The following DPP10 variants were observed in gnomAD, a reference collection of about 807,000 sequenced individuals.
DPP10 encodes inactive dipeptidyl peptidase 10.
Under a neutral mutation model 120.9 loss-of-function variants are expected in DPP10, and 33 were observed. That is an observed-to-expected ratio of 0.27 (90% CI 0.21 to 0.37). DPP10 has a LOEUF of 0.37. DPP10 is among the 10% of genes least tolerant of loss of function. The pLI is 1.00. For synonymous variants in DPP10, 337 were observed against 326.1 expected (o/e 1.03, Z -0.36); for missense variants, 816 against 942.8 (o/e 0.87, Z 1.76).
chr2:115,406,243 G>T (rs777433550), intron 3 of DPP10, among the ~76,000 whole-genome samples: 130 of 152,158 alleles, frequency 8.5e-4, no homozygotes, highest in Non-Finnish European at 1.6e-3. Flanking sequence ...CTTTACACCA[G>T]TTCCCAGTAA....
At chr2:115,707,421 T>TACACACACACAC (rs35961586) in intron 7 of DPP10, among the ~76,000 whole-genome samples, 2 of 138,804 alleles carry the variant, frequency 1.4e-5, no homozygotes, top group South Asian at 2.4e-4. Context: ...AAACAAATTT[T>TACACACACACAC]ACACACACAC....
At chr2:114,860,170 A>G (rs752602433) in intron 1 of DPP10, among the ~76,000 whole-genome samples, 2 of 152,194 alleles carry the variant, frequency 1.3e-5, no homozygotes, top group Middle Eastern at 3.2e-3. Context: ...CAAATTCCCT[A>G]GGTTTTCATT....
intron 1 of DPP10, among the ~76,000 whole-genome samples, chr2:115,019,282 AAAAG>A (rs753115043): frequency 3.0e-4 from 45 of 152,332 alleles, no homozygotes; most frequent in Middle Eastern, 6.8e-3. Flanking sequence ...TAAAATGGAA[AAAAG>A]AAAGGAACAT....
chr2:115,057,014 A>G (rs1186357296), intron 1 of DPP10, among the ~76,000 whole-genome samples: 1 of 152,240 alleles, frequency 6.6e-6, no homozygotes, highest in Non-Finnish European at 1.5e-5. Flanking sequence ...AATTAAGTCT[A>G]AAAGAGGAGA....
intron 1 of DPP10, among the ~76,000 whole-genome samples, chr2:114,515,394 C>A (rs926260882): frequency 6.6e-6 from 1 of 152,118 alleles, no homozygotes; most frequent in African/African-American, 2.4e-5. Flanking sequence ...TAAGTCCAGG[C>A]AAGAGGACCA....
chr2:115,319,420 G>A (rs1175233138), intron 2 of DPP10, among the ~76,000 whole-genome samples: 1 of 152,136 alleles, frequency 6.6e-6, no homozygotes, highest in Non-Finnish European at 1.5e-5. Flanking sequence ...GAATGAGATA[G>A]TAATCTTTTC....
intron 1 of DPP10, among the ~76,000 whole-genome samples, chr2:114,823,475 T>C (rs916910368): frequency 1.3e-5 from 2 of 152,158 alleles, no homozygotes; most frequent in African/African-American, 4.8e-5. Context: ...TTATTCCACA[T>C]TGAGCTTTCA....
At chr2:115,377,693 G>A (rs74856344) in intron 3 of DPP10, among the ~76,000 whole-genome samples, 69,967 of 151,790 alleles carry the variant, frequency 0.46, 17,202 homozygotes, top group Non-Finnish European at 0.56. Flanking sequence ...TAGGTTTATC[G>A]TTTAAGTCTT....
At chr2:114,479,569 C>T (rs775925172) in intron 1 of DPP10, among the ~76,000 whole-genome samples, 167 of 152,184 alleles carry the variant, frequency 1.1e-3, no homozygotes, top group Middle Eastern at 0.01. Context: ...CGCATATCTA[C>T]AACTATCTGA....
intron 1 of DPP10, among the ~76,000 whole-genome samples, chr2:114,733,136 G>A (rs756031469): frequency 1.3e-5 from 2 of 152,178 alleles, no homozygotes; most frequent in Non-Finnish European, 2.9e-5. Flanking sequence ...AAGGGAGCTG[G>A]TAAGAAGAAG....
intron 5 of DPP10, among the ~76,000 whole-genome samples, chr2:115,682,065 T>C (rs779123048): frequency 6.6e-6 from 1 of 151,948 alleles, no homozygotes; most frequent in Non-Finnish European, 1.5e-5. Flanking sequence ...GTTGGGAGTT[T>C]GGCTCTCTGT....
intron 13 of DPP10, among the ~76,000 whole-genome samples, chr2:115,771,859 AT>A (rs1190271072): frequency 6.6e-6 from 1 of 152,156 alleles, no homozygotes; most frequent in Non-Finnish European, 1.5e-5. Context: ...AAATTACTAA[AT>A]TTTTGCAAAC....
At chr2:115,348,205 CTATTAATTTTT>C (rs2063806579) in intron 3 of DPP10, among the ~76,000 whole-genome samples, 1 of 152,108 alleles carries the variant, frequency 6.6e-6, no homozygotes, top group Non-Finnish European at 1.5e-5. Flanking sequence ...AGTCCCAACA[CTATTAATTTTT>C]TCATGTTGAA....
chr2:115,534,460 A>G (rs1437596465), intron 5 of DPP10, among the ~76,000 whole-genome samples: 2 of 151,030 alleles, frequency 1.3e-5, no homozygotes, highest in African/African-American at 2.4e-5. Flanking sequence ...TTATGGCTGC[A>G]TAGTATTCCA....
At chr2:115,777,643 A>G in intron 14 of DPP10, 144 bp from the exon 15 acceptor site, 1 of 883,818 alleles carries the variant, frequency 1.1e-6, no homozygotes, top group Non-Finnish European at 1.8e-6. Context: ...TGACAGTTTT[A>G]AAAATTCAAG....
At chr2:115,229,303 T>A (rs1192272329) in intron 1 of DPP10, among the ~76,000 whole-genome samples, 6 of 152,174 alleles carry the variant, frequency 3.9e-5, no homozygotes, top group Non-Finnish European at 8.8e-5. Flanking sequence ...AGTCTGAAAA[T>A]CTGTTCCCCC....
chr2:114,526,952 A>C (rs1685552631), intron 1 of DPP10, among the ~76,000 whole-genome samples: 1 of 152,102 alleles, frequency 6.6e-6, no homozygotes, highest in Non-Finnish European at 1.5e-5. Flanking sequence ...ATCATTCCAA[A>C]CTTAACTTTT....
chr2:114,636,395 A>G (rs1253311200), intron 1 of DPP10, among the ~76,000 whole-genome samples: 1 of 151,994 alleles, frequency 6.6e-6, no homozygotes, highest in Non-Finnish European at 1.5e-5. Context: ...CTTGAAAAAT[A>G]CCTTGATTGC....
At chr2:115,805,681 TCTC>T (rs1685870597) in intron 19 of DPP10, among the ~76,000 whole-genome samples, 1 of 151,606 alleles carries the variant, frequency 6.6e-6, no homozygotes, top group Non-Finnish European at 1.5e-5. Flanking sequence ...TTCAAGCTAT[TCTC>T]CTGCTTCAGC....
Sources: allele counts gnomAD v4.1 joint callset (sites outside exome capture counted in the v4.1 genomes callset), GRCh38; gene constraint gnomAD v4.1.1; transcripts MANE v1.5; gene names NCBI Gene and HGNC (gene_info 2026-07-23, HGNC 2026-07-21).